KDM4C: variants seen among roughly 807,000 people sequenced by gnomAD.
KDM4C encodes lysine-specific demethylase 4C.
A neutral mutation model predicts 129.3 loss-of-function variants in KDM4C; 81 were observed. That is an observed-to-expected ratio of 0.63 (90% confidence interval 0.52 to 0.75). The LOEUF is 0.75. Ranked by LOEUF, KDM4C falls within the 30% of genes least tolerant of loss-of-function variation. The probability of loss-of-function intolerance (pLI) is 0.00; values close to 1 mark genes in which losing one functional copy is unlikely to be tolerated. For missense variants in KDM4C, 1,457 were observed against 1,304.0 expected, an observed-to-expected ratio of 1.12 and a Z score of -1.81; for synonymous variants, 573 against 456.1, an observed-to-expected ratio of 1.26 and a Z score of -3.26.
Position 6,788,465 on chromosome 9 carries a change from C to T in KDM4C, c.-17-4507C>T, listed in dbSNP as rs114399445. Among the ~76,000 whole-genome samples, 1,134 of 152,250 alleles carry T rather than the reference C, an allele frequency of 7.4e-3. 17 individuals are homozygous for T. Among genetic ancestry groups the T allele is most frequent in the African/African-American group, 0.026 (1,091 of 41,548 alleles). ...TGGGCTTCTACCCTGTTCTCACTGC[C>T]CAGATTTTTCTGTTGCATTATTCTT... is the stretch of plus-strand genomic sequence containing the variant. On this transcript the variant is annotated intron_variant, in intron 1 of 21. Coordinates refer to ENST00000381309, the MANE Select transcript of KDM4C (RefSeq NM_015061.6).
chr9:7,122,896 C>T (rs1281180164), intron 18 of KDM4C, among the ~76,000 whole-genome samples: 2 of 152,084 alleles, frequency 1.3e-5, no homozygotes, highest in African/African-American at 4.8e-5. Context: ...TGATGGATGC[C>T]CTCGCATGAT....
At position 6,809,132 on chromosome 9, in the gene KDM4C, C is replaced by G. The variant is rs1830688641; in HGVS notation, c.320+3358C>G. The stretch of plus-strand genomic sequence containing the variant: ...TGTTAAATTCCTACTGTGGAACATT[C>G]TGGCTATTCCAAAGAAATTGAAAAT... On this transcript the variant is annotated intron_variant, in intron 3 of 21. Coordinates refer to ENST00000381309, the MANE Select transcript of KDM4C (RefSeq NM_015061.6). Among the ~76,000 whole-genome samples, 3 of 152,158 alleles carry G rather than the reference C, an allele frequency of 2.0e-5. 1 individual carries two copies. Among genetic ancestry groups the G allele is most frequent in the Admixed American group, 2.0e-4 (3 of 15,274 alleles).
chr9:6,990,603 A>T, intron 12 of KDM4C, 79 bp downstream of exon 12: 1 of 905,084 alleles, frequency 1.1e-6, no homozygotes, highest in Non-Finnish European at 1.7e-6. Flanking sequence ...AAATTGCTGA[A>T]TAGAAAAAAA....
intron 5 of KDM4C, among the ~76,000 whole-genome samples, chr9:6,856,042 C>T (rs899288409): frequency 2.6e-5 from 4 of 152,080 alleles, no homozygotes; most frequent in African/African-American, 9.7e-5. Context: ...TTCCTGGCCC[C>T]ACCAGTCTTT....
At position 7,001,905 on chromosome 9, in the gene KDM4C, T is replaced by G. The variant is rs1383738839; in HGVS notation, c.1787-9793T>G. Among the ~76,000 whole-genome samples the G allele has an allele frequency of 2.6e-5, 4 of 152,152 alleles. No homozygotes were observed. The East Asian group carries it at 7.7e-4, about 29-fold the overall frequency. On this transcript the variant is annotated intron_variant, in intron 12 of 21. Transcript: ENST00000381309. ...TTTCCCATGAGTGGTTTTTGTTTGT[T>G]TGTTTGAGACAGAGTCTTACTCTGT...
intron 15 of KDM4C, among the ~76,000 whole-genome samples, chr9:7,035,009 T>A (rs1048614794): frequency 2.0e-5 from 3 of 152,070 alleles, no homozygotes; most frequent in Non-Finnish European, 4.4e-5. Flanking sequence ...ATTCTTTGTT[T>A]CTTTTTGTTT....
chr9:6,754,513 C>T (rs966051440), upstream of KDM4C, among the ~76,000 whole-genome samples: 1 of 152,066 alleles, frequency 6.6e-6, no homozygotes, highest in Non-Finnish European at 1.5e-5. Context: ...GTGCCCAGCT[C>T]AATTATTTAT....
chr9:6,781,508 C>G (rs1824333285), intron 1 of KDM4C, among the ~76,000 whole-genome samples: 1 of 152,000 alleles, frequency 6.6e-6, no homozygotes, highest in Non-Finnish European at 1.5e-5. Flanking sequence ...TTGTCATAAG[C>G]CATATAGCTA....
intron 6 of KDM4C, among the ~76,000 whole-genome samples, chr9:6,881,520 A>G (rs998210533): frequency 1.3e-5 from 2 of 152,134 alleles, no homozygotes; most frequent in Admixed American, 6.5e-5. Context: ...AAATTTTTCC[A>G]CCATTTTCTA....
chr9:7,158,394 C>G (rs1321571596), intron 19 of KDM4C, among the ~76,000 whole-genome samples: 2 of 150,258 alleles, frequency 1.3e-5, no homozygotes, highest in Non-Finnish European at 3.0e-5. Context: ...TTCTTGTCTT[C>G]CAGTAGCTCT....
intron 19 of KDM4C, among the ~76,000 whole-genome samples, chr9:7,151,534 G>A (rs569125844): frequency 6.6e-6 from 1 of 152,280 alleles, no homozygotes; most frequent in East Asian, 1.9e-4. Context: ...AATTAGCCAA[G>A]CATGGTGGCA....
chr9:7,019,696 A>AT (rs1824321213), intron 15 of KDM4C, among the ~76,000 whole-genome samples: 6 of 126,886 alleles, frequency 4.7e-5, no homozygotes, highest in Admixed American at 7.9e-5. Flanking sequence ...TTATAAAAAT[A>AT]TAATATTTTT....
At chr9:6,754,844 C>T (rs1337994005), upstream of KDM4C, among the ~76,000 whole-genome samples, 1 of 145,084 alleles carries the variant, frequency 6.9e-6, no homozygotes, top group Admixed American at 7.1e-5. Context: ...CACTGCACTC[C>T]AGTCTGGGCA....
chr9:6,923,327 A>G (rs1376926549), intron 8 of KDM4C, among the ~76,000 whole-genome samples: 1 of 152,086 alleles, frequency 6.6e-6, no homozygotes, highest in Admixed American at 6.6e-5. Flanking sequence ...TAATTGCACA[A>G]GTATGGTTTG....
At chr9:6,800,927 C>T (rs945094475) in intron 2 of KDM4C, among the ~76,000 whole-genome samples, 1 of 152,198 alleles carries the variant, frequency 6.6e-6, no homozygotes, top group Non-Finnish European at 1.5e-5. Flanking sequence ...CGTTCCTGGA[C>T]AGTATTCTCA....
intron 1 of KDM4C, among the ~76,000 whole-genome samples, chr9:6,769,466 C>T (rs939141641): frequency 1.3e-5 from 2 of 152,010 alleles, no homozygotes; most frequent in African/African-American, 4.8e-5. Flanking sequence ...TGCTGTTTGA[C>T]CTTAGAAAAT....
intron 17 of KDM4C, among the ~76,000 whole-genome samples, chr9:7,091,657 AT>A (rs920449084): frequency 1.3e-5 from 2 of 152,094 alleles, no homozygotes; most frequent in Non-Finnish European, 2.9e-5. Flanking sequence ...TCTGACAAGG[AT>A]TTTTTTTCTT....
chr9:7,120,764 A>G (rs1839403691), intron 18 of KDM4C, among the ~76,000 whole-genome samples: 1 of 152,200 alleles, frequency 6.6e-6, no homozygotes. Context: ...CGTTCTCTCA[A>G]GTCTTTCTTA....
intron 1 of KDM4C, chr9:6,735,189 A>G: frequency 4.6e-6 from 1 of 216,010 alleles, no homozygotes; most frequent in Non-Finnish European, 9.3e-6. Flanking sequence ...TTAGTGTGAA[A>G]TTGGCTCTGC....
Sources: allele counts gnomAD v4.1 joint callset (sites outside exome capture counted in the v4.1 genomes callset), GRCh38; gene constraint gnomAD v4.1.1; transcripts MANE v1.5; gene names NCBI Gene and HGNC (gene_info 2026-07-23, HGNC 2026-07-21).